Variants in EML6 observed in about 807,000 individuals in gnomAD.
EML6 encodes EMAP like 6, also known as echinoderm microtubule-associated protein-like 6.
Under a neutral mutation model 240.1 loss-of-function variants are expected in EML6, and 154 were observed. The observed-to-expected ratio is 0.64, with a 90% CI of 0.56 to 0.73. The LOEUF is 0.73. Among genes scored for constraint, EML6 ranks in the 30% least tolerant of loss-of-function variants. EML6 has a pLI of 0.00. For synonymous variants in EML6, 1,148 were observed against 899.0 expected (o/e 1.28, Z -4.95); for missense variants, 2,964 against 2,474.6 (o/e 1.20, Z -4.20).
At chr2:54,908,183 A>T (rs1362873499) in intron 24 of EML6, among the ~76,000 whole-genome samples, 1 of 152,006 alleles carries the variant, frequency 6.6e-6, no homozygotes, top group East Asian at 1.9e-4. Context: ...GATTGCAAAG[A>T]ACAGAAACCC....
intron 36 of EML6, among the ~76,000 whole-genome samples, chr2:54,963,085 T>C (rs920396153): frequency 6.9e-6 from 1 of 145,044 alleles, no homozygotes; most frequent in East Asian, 2.0e-4. Flanking sequence ...TTAAAGTTCA[T>C]CTGGAGTAAA....
At chr2:54,911,141 T>C (rs1673618255) in intron 25 of EML6, 99 bp downstream of exon 25, 13 of 596,496 alleles carry the variant, frequency 2.2e-5, no homozygotes, top group Middle Eastern at 4.3e-4. Flanking sequence ...ATGGGTTATA[T>C]TTACTATACC....
intron 8 of EML6, among the ~76,000 whole-genome samples, chr2:54,846,351 C>T (rs1003682273): frequency 1.3e-5 from 2 of 151,536 alleles, no homozygotes; most frequent in African/African-American, 4.9e-5. Flanking sequence ...TATTTACATA[C>T]ATATATAATT....
At position 54,954,101 on chromosome 2, in the gene EML6, G is replaced by C. The variant is rs1336085087; in HGVS notation, c.4431G>C (p.Leu1477=). The part of the protein sequence containing the change: ...YINFSATGKL[L]VSVGVDPEHT... ...ACTTCAGTGCAACTGGAAAGCTCCT[G>C]GTGTCGGTGGGAGTGGACCCTGAGC... Residue 1477 remains leucine (L), a synonymous_variant, in exon 32 of 42, where the codon CTG becomes CTC. Coordinates refer to ENST00000356458, the MANE Select transcript of EML6 (RefSeq NM_001039753.4). The C allele has an allele frequency of 6.4e-7, 1 of 1,551,712 alleles. No homozygotes were observed. Among genetic ancestry groups the C allele is most frequent in the Admixed American group, 2.0e-5 (1 of 50,994 alleles).
intron 2 of EML6, among the ~76,000 whole-genome samples, chr2:54,752,164 G>C (rs1384220209): frequency 6.6e-6 from 1 of 151,920 alleles, no homozygotes; most frequent in Admixed American, 6.5e-5. Flanking sequence ...TCTCAGTTCT[G>C]CTGTTTTTTA....
intron 21 of EML6, among the ~76,000 whole-genome samples, chr2:54,899,389 C>A (rs144788063): frequency 5.9e-5 from 9 of 152,244 alleles, no homozygotes; most frequent in Admixed American, 2.0e-4. Flanking sequence ...ATAAACAAAA[C>A]CAATAAGCAA....
In EML6 at chr2:54,913,993, C is replaced by G. The variant is rs567136737; in HGVS notation, c.3499-2766C>G. 2.6e-5 allele frequency among the ~76,000 whole-genome samples: 4 copies of G among 152,274 alleles called. No individual in the cohort carries two copies. The South Asian group carries it at 6.2e-4, about 24-fold the overall frequency. On this transcript the variant is annotated intron_variant, in intron 25 of 41. Coordinates refer to ENST00000356458, the MANE Select transcript of EML6 (RefSeq NM_001039753.4). ...AGGTGTGCAGCTTTATTTCTGGGTT[C>G]TCTATTCCATTGGCCTATATGTCTT...
chr2:54,742,179 T>C (rs567762513), intron 2 of EML6, among the ~76,000 whole-genome samples: 2 of 152,216 alleles, frequency 1.3e-5, no homozygotes. Context: ...TGTCTCTGCC[T>C]TGCTTAAAAA....
Position 54,797,164 on chromosome 2 carries a change from CAAAAA to C in EML6, c.198-16047_198-16043del, listed in dbSNP as rs773498648. ...TGGGTGACAGAGCAAGACTCCATCT[CAAAAA>C]AAAAAAAAAAAAAAAAAAAACTGTG... is the stretch of plus-strand genomic sequence containing the variant. On this transcript the variant is annotated intron_variant, in intron 2 of 41. Coordinates refer to ENST00000356458, the MANE Select transcript of EML6 (RefSeq NM_001039753.4). 3.2e-3 allele frequency among the ~76,000 whole-genome samples: 139 copies of C among 43,824 alleles called. No individual in the cohort carries two copies. The Middle Eastern group carries it at 0.037, about 12-fold the overall frequency. The allele number at this position is 43,824 out of a possible 152,430, so 28.8% of individuals were successfully genotyped here.
chr2:54,742,230 C>T (rs1683677651), intron 2 of EML6, among the ~76,000 whole-genome samples: 2 of 152,172 alleles, frequency 1.3e-5, no homozygotes, highest in Admixed American at 1.3e-4. Flanking sequence ...GACCCTACCC[C>T]CACCTTTTTG....
intron 28 of EML6, among the ~76,000 whole-genome samples, chr2:54,936,333 G>T (rs1233095830): frequency 6.6e-6 from 1 of 152,182 alleles, no homozygotes; most frequent in African/African-American, 2.4e-5. Flanking sequence ...AGTCTTCCTA[G>T]TTACATCTGG....
intron 7 of EML6, among the ~76,000 whole-genome samples, chr2:54,842,202 C>T (rs1233997049): frequency 6.6e-6 from 1 of 152,166 alleles, no homozygotes; most frequent in Admixed American, 6.5e-5. Flanking sequence ...TTTCACTGCC[C>T]TAAAAATCCT....
intron 7 of EML6, 68 bp from the exon 8 acceptor site, chr2:54,843,978 GT>G (rs1244989772): frequency 1.0e-4 from 93 of 931,146 alleles, no homozygotes; most frequent in Non-Finnish European, 9.5e-5. Context: ...GTGTGTGTGT[GT>G]GTGTGTGTGT....
chr2:54,766,155 T>C (rs191287365), intron 2 of EML6, among the ~76,000 whole-genome samples: 3 of 152,320 alleles, frequency 2.0e-5, no homozygotes, highest in Admixed American at 2.0e-4. Context: ...GTGTAGTTAC[T>C]AAAAACAAGG....
chr2:54,814,890 A>G (rs1456580518), intron 3 of EML6, among the ~76,000 whole-genome samples: 1 of 152,336 alleles, frequency 6.6e-6, no homozygotes, highest in South Asian at 2.1e-4. Flanking sequence ...TAATGCATGC[A>G]TTCCCTTTTA....
At chr2:54,888,299 C>G (rs1181397312) in intron 17 of EML6, among the ~76,000 whole-genome samples, 1 of 152,096 alleles carries the variant, frequency 6.6e-6, no homozygotes, top group Non-Finnish European at 1.5e-5. Context: ...TTCCTTGGGC[C>G]AAGCACTAAG....
At chr2:54,893,453 A>G (rs971529770) in intron 19 of EML6, among the ~76,000 whole-genome samples, 4 of 152,098 alleles carry the variant, frequency 2.6e-5, no homozygotes, top group Admixed American at 2.6e-4. Context: ...TCCTACAATA[A>G]TGGCATTAAT....
intron 2 of EML6, among the ~76,000 whole-genome samples, chr2:54,806,027 T>C (rs987738733): frequency 1.3e-5 from 2 of 152,218 alleles, no homozygotes; most frequent in Non-Finnish European, 2.9e-5. Flanking sequence ...TATAGCAATA[T>C]TCTGTCTTAA....
rs367574162 is a variant in EML6 at position 54,859,571 on chromosome 2, T to C, written c.1695T>C (p.His565=). ...KFRKYVGHSA[H]VTNVRWSHDF... ...GAAAGTATGTGGGCCATTCTGCACA[T>C]GTCACAAATGTCCGCTGGTCCCATG... Residue 565 remains histidine, a synonymous_variant, in exon 12 of 42, where the codon CAT becomes CAC. Coordinates refer to ENST00000356458, the MANE Select transcript of EML6 (RefSeq NM_001039753.4). The C allele has an allele frequency of 3.0e-5, 46 of 1,551,348 alleles. No homozygotes were observed. The African/African-American group carries it at 4.8e-4, about 16-fold the overall frequency.
Sources: allele counts gnomAD v4.1 joint callset (sites outside exome capture counted in the v4.1 genomes callset), GRCh38; gene constraint gnomAD v4.1.1; transcripts MANE v1.5; gene names NCBI Gene and HGNC (gene_info 2026-07-23, HGNC 2026-07-21).